PINX1: variants seen among roughly 807,000 people sequenced by gnomAD.
PINX1 encodes PIN2 (TERF1) interacting telomerase inhibitor 1.
PINX1 carries 34 observed loss-of-function variants against 25.4 expected under a neutral mutation model. The observed-to-expected ratio is 1.34, with a 90% CI of 1.02 to 1.78. PINX1 has a LOEUF of 1.78. Ranked by LOEUF, PINX1 falls within the 40% of genes most tolerant of loss-of-function variation. The pLI is 0.00. For missense variants in PINX1, 592 were observed against 404.9 expected (o/e 1.46, Z -3.97); for synonymous variants, 197 against 147.7 (o/e 1.33, Z -2.42).
intron 4 of PINX1, among the ~76,000 whole-genome samples, chr8:10,828,704 A>G (rs1034723011): frequency 2.0e-5 from 3 of 152,134 alleles, no homozygotes; most frequent in Non-Finnish European, 4.4e-5. Context: ...CTATTTGTTC[A>G]CGTGCACTCA....
In PINX1 at chr8:10,834,752, C is replaced by A; in HGVS notation, c.43G>T (p.Val15Leu). Residue 15 changes from valine to leucine, a missense_variant, in exon 2 of 7, where the codon GTG becomes TTG. Physicochemically the swap from Val to Leu is conservative, Grantham distance 32. Coordinates refer to ENST00000314787, the MANE Select transcript of PINX1 (RefSeq NM_017884.6). ...CTCCAGGCAGTGTTCTGAGGATCCA[C>A]AGCCCACTTCTGCTTCCGCCGACCT... ...AERRRKQKWAVDPQNTAWSND... is the reference protein window; with the variant it reads ...AERRRKQKWALDPQNTAWSND... 6.2e-7 allele frequency: 1 copy of A among 1,613,690 alleles called. No homozygotes were observed. The highest frequency in any genetic ancestry group is 8.5e-7 in the Non-Finnish European group (1 of 1,179,782).
chr8:10,795,269 TACAA>T (rs1362793447), intron 6 of PINX1, among the ~76,000 whole-genome samples: 2 of 152,222 alleles, frequency 1.3e-5, no homozygotes, highest in Non-Finnish European at 2.9e-5. Context: ...TTGACCTGGC[TACAA>T]ACAGAGGGCT....
chr8:10,803,249 T>C (rs1802326461), intron 6 of PINX1, among the ~76,000 whole-genome samples: 1 of 152,230 alleles, frequency 6.6e-6, no homozygotes, highest in Admixed American at 6.5e-5. Flanking sequence ...TCATCCTGAA[T>C]GCTGCAGTAA....
At chr8:10,826,685 C>T (rs925586872) in intron 4 of PINX1, among the ~76,000 whole-genome samples, 1 of 152,204 alleles carries the variant, frequency 6.6e-6, no homozygotes, top group South Asian at 2.1e-4. Flanking sequence ...AGAGCGGCGG[C>T]CGCTGCCACC....
At chr8:10,774,961 CA>C (rs34532795) in intron 6 of PINX1, among the ~76,000 whole-genome samples, 10,810 of 151,888 alleles carry the variant, frequency 0.071, 503 homozygotes, top group African/African-American at 0.13. Flanking sequence ...GTGTTCTTAT[CA>C]CAATAAAAAA....
intron 6 of PINX1, among the ~76,000 whole-genome samples, chr8:10,817,741 G>T (rs1365084775): frequency 2.0e-5 from 3 of 152,132 alleles, no homozygotes; most frequent in Non-Finnish European, 4.4e-5. Flanking sequence ...GGCTTCCTGA[G>T]TTGGAATCTG....
At chr8:10,809,405 G>C (rs1025737616) in intron 6 of PINX1, among the ~76,000 whole-genome samples, 4 of 152,196 alleles carry the variant, frequency 2.6e-5, no homozygotes, top group African/African-American at 9.7e-5. Context: ...GGCCCCAAAA[G>C]TCAATATTTA....
At chr8:10,790,489 G>A (rs1361410244) in intron 6 of PINX1, among the ~76,000 whole-genome samples, 1 of 152,154 alleles carries the variant, frequency 6.6e-6, no homozygotes, top group Non-Finnish European at 1.5e-5. Flanking sequence ...CTGCACGTCT[G>A]CCCTGCCGTG....
At chr8:10,808,642 T>C (rs1397530336) in intron 6 of PINX1, among the ~76,000 whole-genome samples, 2 of 152,220 alleles carry the variant, frequency 1.3e-5, no homozygotes, top group African/African-American at 4.8e-5. Context: ...TAGCAACTGA[T>C]AGAGCCAAGA....
intron 6 of PINX1, among the ~76,000 whole-genome samples, chr8:10,808,233 A>C (rs4841448): frequency 0.15 from 22,167 of 152,250 alleles, 2,768 homozygotes; most frequent in African/African-American, 0.34. Flanking sequence ...CTACCAAAAC[A>C]GAAGTCCACA....
intron 2 of PINX1, chr8:10,834,465 G>A (rs1351394371): frequency 7.2e-6 from 5 of 698,874 alleles, no homozygotes; most frequent in Non-Finnish European, 2.3e-6. Flanking sequence ...TGCTAAGCAT[G>A]GCAGCTTAAA....
chr8:10,793,058 G>A (rs1291586141), intron 6 of PINX1, among the ~76,000 whole-genome samples: 2 of 152,010 alleles, frequency 1.3e-5, no homozygotes, highest in African/African-American at 2.4e-5. Context: ...TCTGACCCTC[G>A]CTAACATCTA....
At chr8:10,791,578 A>G (rs191510156) in intron 6 of PINX1, among the ~76,000 whole-genome samples, 6 of 152,328 alleles carry the variant, frequency 3.9e-5, no homozygotes, top group South Asian at 2.1e-4. Context: ...TGAAGCTACA[A>G]TTAGAATTTA....
chr8:10,787,808 G>C (rs781088681), intron 6 of PINX1: 1 of 455,992 alleles, frequency 2.2e-6, no homozygotes, highest in East Asian at 7.0e-5. Context: ...AGGAATCCAA[G>C]GTGACTTCAA....
intron 6 of PINX1, among the ~76,000 whole-genome samples, chr8:10,793,270 C>G (rs891554): frequency 0.24 from 36,325 of 152,068 alleles, 4,438 homozygotes; most frequent in East Asian, 0.34. Flanking sequence ...GGTCTACAAA[C>G]CAAATTATTA....
At chr8:10,776,998 C>A (rs1287167216) in intron 6 of PINX1, among the ~76,000 whole-genome samples, 3 of 152,218 alleles carry the variant, frequency 2.0e-5, no homozygotes, top group Non-Finnish European at 2.9e-5. Flanking sequence ...TTCTCCTGCA[C>A]TAGACCATAT....
chr8:10,798,819 A>C (rs971603613), intron 6 of PINX1, among the ~76,000 whole-genome samples: 5 of 152,214 alleles, frequency 3.3e-5, no homozygotes, highest in African/African-American at 4.8e-5. Context: ...TCTAGTGTCG[A>C]GCCAGAGCCT....
At position 10,834,481 on chromosome 8, in the gene PINX1, GAA is replaced by G. The variant is rs1052259460; in HGVS notation, c.129+183_129+184del. 6 of 814,968 alleles carry G rather than the reference GAA, an allele frequency of 7.4e-6. No homozygotes were observed. The Admixed American group carries it at 1.3e-4, about 17-fold the overall frequency. The allele number at this position is 814,968 out of a possible 1,614,324, so 50.5% of individuals were successfully genotyped here. On this transcript the variant is annotated intron_variant, in intron 2 of 6. Coordinates refer to ENST00000314787, the MANE Select transcript of PINX1 (RefSeq NM_017884.6). ...GCTAAGCATGGCAGCTTAAATGATAGAAAGTTGACACTTATGTCCAATCCTAA... is the reference window on the plus strand; with the variant it reads ...GCTAAGCATGGCAGCTTAAATGATAGAGTTGACACTTATGTCCAATCCTAA...
chr8:10,783,369 G>A (rs183329753), intron 6 of PINX1, among the ~76,000 whole-genome samples: 4 of 152,276 alleles, frequency 2.6e-5, no homozygotes, highest in East Asian at 3.9e-4. Flanking sequence ...AGAAGTGTCT[G>A]GAGCACTTAC....
Sources: allele counts gnomAD v4.1 joint callset (sites outside exome capture counted in the v4.1 genomes callset), GRCh38; gene constraint gnomAD v4.1.1; transcripts MANE v1.5; gene names NCBI Gene and HGNC (gene_info 2026-07-23, HGNC 2026-07-21).